Variants in EPHA6 observed in about 807,000 individuals in gnomAD.
EPHA6 encodes EPH receptor A6.
In EPHA6, 50 loss-of-function variants were observed where a neutral mutation model predicts 112.0. The observed-to-expected ratio is 0.45, with a 90% CI of 0.36 to 0.56. The LOEUF (loss-of-function observed/expected upper bound fraction) is 0.56. Among genes scored for constraint, EPHA6 ranks in the 20% least tolerant of loss-of-function variants. The pLI, the probability that EPHA6 is intolerant of heterozygous loss-of-function variation, is 0.00. For synonymous variants in EPHA6, 529 were observed against 490.7 expected (o/e 1.08, Z -1.03); for missense variants, 1,280 against 1,417.4 (o/e 0.90, Z 1.56).
intron 14 of EPHA6, among the ~76,000 whole-genome samples, chr3:97,651,638 C>T (rs774332614): frequency 3.9e-5 from 6 of 151,902 alleles, no homozygotes; most frequent in African/African-American, 4.8e-5. Context: ...GCTGTTTGTT[C>T]GTGTGTTAGC....
chr3:97,648,430 T>C, intron 14 of EPHA6: 1 of 1,410,250 alleles, frequency 7.1e-7, no homozygotes, highest in Non-Finnish European at 9.3e-7. Flanking sequence ...GAGGGGAAGG[T>C]ATTTAATGTG....
intron 11 of EPHA6, among the ~76,000 whole-genome samples, chr3:97,533,686 T>G (rs2092721074): frequency 6.6e-6 from 1 of 151,864 alleles, no homozygotes; most frequent in South Asian, 2.1e-4. Context: ...TACATGTTTG[T>G]ACGTTGGAGC....
rs542641135 is a variant in EPHA6 at position 97,481,680 on chromosome 3, G to A, written c.2075-2254G>A. Among the ~76,000 whole-genome samples, 481 of 106,388 alleles carry A rather than the reference G, an allele frequency of 4.5e-3. 2 individuals carry two copies. Among genetic ancestry groups the A allele is most frequent in the African/African-American group, 0.017 (420 of 25,098 alleles). The allele number at this position is 106,388 out of a possible 152,430, so 69.8% of individuals were successfully genotyped here. A position where few individuals can be genotyped will look rare whatever the true frequency, so the allele number is the denominator to read the frequency against. On this transcript the variant is annotated intron_variant, in intron 9 of 17. Coordinates refer to ENST00000389672, the MANE Select transcript of EPHA6 (RefSeq NM_001080448.3). Reference sequence around the variant, plus strand: ...CTGCCTTCAACGGCCGCCCGGCCCCGCCCCGCACCGCCCCGGCCCCGCCCC... The same window carrying A: ...CTGCCTTCAACGGCCGCCCGGCCCCACCCCGCACCGCCCCGGCCCCGCCCC...
chr3:97,385,710 C>G (rs1411358461), intron 5 of EPHA6, among the ~76,000 whole-genome samples: 1 of 152,162 alleles, frequency 6.6e-6, no homozygotes, highest in Non-Finnish European at 1.5e-5. Context: ...GTGGGCTGTA[C>G]AGGCTCCTGC....
At chr3:97,375,839 C>T (rs904368369) in intron 5 of EPHA6, among the ~76,000 whole-genome samples, 1 of 152,118 alleles carries the variant, frequency 6.6e-6, no homozygotes, top group African/African-American at 2.4e-5. Context: ...GGACTACACA[C>T]TCTATGATTC....
chr3:97,711,843 C>T (rs967241746), intron 14 of EPHA6, among the ~76,000 whole-genome samples: 5 of 152,130 alleles, frequency 3.3e-5, no homozygotes, highest in African/African-American at 1.2e-4. Context: ...ATCCCTCAGG[C>T]CAGTCAAGTT....
chr3:97,160,454 AT>A (rs2076388729), intron 3 of EPHA6, among the ~76,000 whole-genome samples: 1 of 150,290 alleles, frequency 6.7e-6, no homozygotes, highest in South Asian at 2.1e-4. Flanking sequence ...TTTTTTTTTT[AT>A]TTTTAGTAGA....
Position 97,752,905 on chromosome 3 carries a change from C to T in EPHA6, c.*4204C>T, listed in dbSNP as rs957432061. Among the ~76,000 whole-genome samples the T allele has an allele frequency of 5.3e-5, 8 of 152,084 alleles. No homozygotes were observed. The highest frequency in any genetic ancestry group is 1.9e-4 in the African/African-American group (8 of 41,524). On this transcript the variant is annotated 3_prime_UTR_variant, in exon 18 of 18. Coordinates refer to ENST00000389672, the MANE Select transcript of EPHA6 (RefSeq NM_001080448.3). ...TATGTATCACTTCTTTTAGTATGAG[C>T]ATCTTAACTTTTCCAATCTCAAATT...
chr3:97,511,983 A>T lies in EPHA6; in HGVS notation c.2201-20375A>T, dbSNP rs576168385. On this transcript the variant is annotated intron_variant, in intron 10 of 17. Coordinates refer to ENST00000389672, the MANE Select transcript of EPHA6 (RefSeq NM_001080448.3). ...TATATAATAATAGTTCAAGATATAC[A>T]TCGCAATCTAGGACTAGGTGAAACA... is the stretch of plus-strand genomic sequence containing the variant. 9.8e-5 allele frequency among the ~76,000 whole-genome samples: 15 copies of T among 152,286 alleles called. No individual in the cohort carries two copies. In the South Asian group the frequency reaches 3.1e-3, roughly 32 times the overall value.
intron 2 of EPHA6, among the ~76,000 whole-genome samples, chr3:96,942,058 G>T (rs1368415101): frequency 2.0e-5 from 3 of 152,196 alleles, no homozygotes; most frequent in African/African-American, 7.2e-5. Flanking sequence ...CTGCTCGGGG[G>T]TCAGGGACCC....
At chr3:97,715,531 C>T (rs900133687) in intron 14 of EPHA6, among the ~76,000 whole-genome samples, 2 of 152,168 alleles carry the variant, frequency 1.3e-5, no homozygotes, top group Admixed American at 1.3e-4. Context: ...TCAAACCGTT[C>T]ACCTTCAAGA....
Position 97,448,676 on chromosome 3 carries a change from G to A in EPHA6, c.1840G>A (p.Ala614Thr), listed in dbSNP as rs1318337670. 1.2e-6 allele frequency: 2 copies of A among 1,613,422 alleles called. No individual in the cohort carries two copies. Among genetic ancestry groups the A allele is most frequent in the Non-Finnish European group, 1.7e-6 (2 of 1,179,594 alleles). ...TGTATTTCACATCCGAGTGAGAACT[G>A]CGACAGGATACAGTGGCTACAGTCA... is the stretch of plus-strand genomic sequence containing the variant. ...KYVFHIRVRT[A>T]TGYSGYSQKF... The change falls in exon 7 of 18, where the codon GCG becomes ACG. Residue 614 changes from alanine to threonine, a missense_variant. Coordinates refer to ENST00000389672, the MANE Select transcript of EPHA6 (RefSeq NM_001080448.3).
intron 3 of EPHA6, among the ~76,000 whole-genome samples, chr3:97,115,478 T>G (rs910705062): frequency 6.6e-6 from 1 of 151,788 alleles, no homozygotes. Flanking sequence ...AAATGTTAAT[T>G]TACTTTAAAA....
chr3:97,707,917 G>A (rs186523615), intron 14 of EPHA6, among the ~76,000 whole-genome samples: 176 of 152,274 alleles, frequency 1.2e-3, no homozygotes, highest in Admixed American at 2.0e-3. Context: ...TAAGTTGCCT[G>A]AGGCCTCCTC....
In EPHA6 at chr3:97,343,031, T is replaced by C. The variant is rs545095501; in HGVS notation, c.1607-62119T>C. Among the ~76,000 whole-genome samples, 3 of 152,258 alleles carry C rather than the reference T, an allele frequency of 2.0e-5. No individual in the cohort carries two copies. The East Asian group carries it at 5.8e-4, about 29-fold the overall frequency. ...TATCGGTTAGAAAAGTTTTGAGGTA[T>C]GTGCTAGAAAAAGCCAATATTCCTG... On this transcript the variant is annotated intron_variant, in intron 5 of 17. Coordinates refer to ENST00000389672, the MANE Select transcript of EPHA6 (RefSeq NM_001080448.3).
At chr3:96,892,243 C>G (rs750445451) in intron 2 of EPHA6, among the ~76,000 whole-genome samples, 3 of 152,012 alleles carry the variant, frequency 2.0e-5, no homozygotes, top group Non-Finnish European at 4.4e-5. Context: ...TGTTTTGAGA[C>G]AGAGTCTTGC....
intron 2 of EPHA6, among the ~76,000 whole-genome samples, chr3:96,925,943 G>T (rs987978832): frequency 1.3e-5 from 2 of 152,104 alleles, no homozygotes; most frequent in East Asian, 3.9e-4. Context: ...TCACATCTCT[G>T]TCTCCTTCAT....
intron 14 of EPHA6, among the ~76,000 whole-genome samples, chr3:97,685,768 G>A (rs719278): frequency 0.32 from 49,386 of 152,032 alleles, 8,737 homozygotes; most frequent in South Asian, 0.43. Context: ...ATTTGTAAAC[G>A]GCGAACGATG....
chr3:97,438,314 T>G (rs1295515144), intron 6 of EPHA6, among the ~76,000 whole-genome samples: 1 of 152,218 alleles, frequency 6.6e-6, no homozygotes, highest in Admixed American at 6.5e-5. Flanking sequence ...CATACTGTTT[T>G]GTAAAATATT....
Sources: allele counts gnomAD v4.1 joint callset (sites outside exome capture counted in the v4.1 genomes callset), GRCh38; gene constraint gnomAD v4.1.1; transcripts MANE v1.5; gene names NCBI Gene and HGNC (gene_info 2026-07-23, HGNC 2026-07-21).